Variants in UPRT observed in about 807,000 individuals in gnomAD.
UPRT encodes the protein uracil phosphoribosyltransferase homolog.
In UPRT, 5 loss-of-function variants were observed where a neutral mutation model predicts 22.6. The ratio of observed to expected loss-of-function variants is 0.22; its 90% CI spans 0.12 to 0.47. The LOEUF is 0.47. UPRT is among the 20% of genes least tolerant of loss of function. The pLI is 0.99. For missense variants in UPRT, 181 were observed against 239.9 expected (o/e 0.75, Z 1.62); for synonymous variants, 77 against 87.7 (o/e 0.88, Z 0.68).
rs769290211 is a variant in UPRT at position 75,274,441 on chromosome X, G to A, written c.187G>A (p.Glu63Lys). The A allele has an allele frequency of 3.3e-6, 4 of 1,211,535 alleles. No individual in the cohort carries two copies. The highest frequency in any genetic ancestry group is 1.8e-5 in the South Asian group (1 of 56,885). Residue 63 changes from glutamate (E) to lysine (K), a missense_variant, in exon 1 of 7, where the codon GAG becomes AAG. Glu to Lys is a moderately conservative substitution (Grantham distance 56). Coordinates refer to ENST00000373383, the MANE Select transcript of UPRT (RefSeq NM_145052.4). ...TGYAHSSLPA[E>K]LDSGACGGSS... is the part of the protein sequence containing the mutation. ...GTACGCCCATTCTAGCCTGCCGGCC[G>A]AGCTGGACTCTGGGGCCTGCGGCGG...
intron 1 of UPRT, among the ~76,000 whole-genome samples, chrX:75,159,814 T>C (rs1378261516): frequency 9.8e-6 from 1 of 101,968 alleles, no homozygotes; most frequent in Non-Finnish European, 2.0e-5. Flanking sequence ...TCTCACTCAG[T>C]TGCTCAGGCT....
At chrX:75,162,006 C>G (rs1335838450) in intron 2 of UPRT, among the ~76,000 whole-genome samples, 1 of 111,598 alleles carries the variant, frequency 9.0e-6, no homozygotes, top group Non-Finnish European at 1.9e-5. Context: ...CAATAAGAAT[C>G]ATCTCCTTTT....
At chrX:75,264,599 T>C (rs1271414054) in intron 4 of UPRT, among the ~76,000 whole-genome samples, 2 of 111,183 alleles carry the variant, frequency 1.8e-5, no homozygotes, top group East Asian at 5.6e-4. Flanking sequence ...CATCCCTTTA[T>C]TTTGAGCCTT....
chrX:75,262,437 T>G lies in UPRT; in HGVS notation c.-446-28587T>G, dbSNP rs1412781768. On this transcript the variant is annotated intron_variant, in intron 4 of 13. Transcript: ENST00000652605. ...GGAACAAATTTACACATGATGATAT[T>G]AAACTTAAATGTAAATAGGCTAAAT... 1.1e-4 allele frequency among the ~76,000 whole-genome samples: 12 copies of G among 111,548 alleles called. 1 individual carries two copies. The highest frequency in any genetic ancestry group is 3.8e-5 in the Non-Finnish European group (2 of 53,177).
At chrX:75,231,751 C>A (rs2082439081) in intron 4 of UPRT, among the ~76,000 whole-genome samples, 2 of 112,180 alleles carry the variant, frequency 1.8e-5, no homozygotes, top group African/African-American at 6.5e-5. Flanking sequence ...CTGCAGATTT[C>A]TCAGCAGAAA....
At chrX:75,186,705 C>T (rs1349648870) in intron 4 of UPRT, among the ~76,000 whole-genome samples, 3 of 111,958 alleles carry the variant, frequency 2.7e-5, no homozygotes, top group East Asian at 2.8e-4. Context: ...TCTGGCTGCT[C>T]CTGTATTGGG....
intron 4 of UPRT, among the ~76,000 whole-genome samples, chrX:75,217,102 C>A (rs1292943074): frequency 1.8e-5 from 2 of 111,723 alleles, no homozygotes; most frequent in Admixed American, 1.9e-4. Context: ...TGGCCTTGGT[C>A]TGAGAAGACC....
At chrX:75,268,120 C>G (rs878876875) in intron 4 of UPRT, among the ~76,000 whole-genome samples, 1 of 111,718 alleles carries the variant, frequency 9.0e-6, no homozygotes, top group Admixed American at 9.6e-5. Flanking sequence ...TCAGTGAAAA[C>G]TATAAACACC....
intron 2 of UPRT, chrX:75,294,581 T>C: frequency 1.0e-6 from 1 of 987,430 alleles, no homozygotes; most frequent in Non-Finnish European, 1.3e-6. Flanking sequence ...TGAGGATTTA[T>C]TCCAAAAGAG....
chrX:75,295,046 G>C (rs1284232721), intron 2 of UPRT, among the ~76,000 whole-genome samples: 1 of 110,945 alleles, frequency 9.0e-6, no homozygotes, highest in Non-Finnish European at 1.9e-5. Flanking sequence ...GATATGGGGT[G>C]AGAAAGGGTC....
intron 4 of UPRT, among the ~76,000 whole-genome samples, chrX:75,184,238 A>C (rs1469185004): frequency 8.9e-6 from 1 of 112,162 alleles, no homozygotes; most frequent in Non-Finnish European, 1.9e-5. Context: ...AGCTTTCTAC[A>C]TCTGGCTTGC....
At chrX:75,248,388 T>A (rs75510922) in intron 4 of UPRT, among the ~76,000 whole-genome samples, 5 of 111,608 alleles carry the variant, frequency 4.5e-5, no homozygotes, top group African/African-American at 1.6e-4. Context: ...CTGAAAACCA[T>A]GGCATGAGAA....
chrX:75,256,582 T>C (rs1249895333), intron 4 of UPRT, among the ~76,000 whole-genome samples: 1 of 111,086 alleles, frequency 9.0e-6, no homozygotes, highest in African/African-American at 3.3e-5. Context: ...AACAAAAAGC[T>C]GGTTCTTTGA....
intron 4 of UPRT, among the ~76,000 whole-genome samples, chrX:75,265,186 T>A (rs2082583585): frequency 9.0e-6 from 1 of 111,360 alleles, no homozygotes; most frequent in Non-Finnish European, 1.9e-5. Context: ...AGGAGTATCT[T>A]CGTGGCATTC....
intron 4 of UPRT, among the ~76,000 whole-genome samples, chrX:75,213,197 T>A (rs2082384313): frequency 8.9e-6 from 1 of 112,134 alleles, no homozygotes; most frequent in African/African-American, 3.2e-5. Flanking sequence ...GCCAGTAACA[T>A]ACATGATAGA....
intron 4 of UPRT, among the ~76,000 whole-genome samples, chrX:75,244,567 GTGGAACAGAATATACCAA>G (rs1318954937): frequency 2.7e-5 from 3 of 111,292 alleles, no homozygotes; most frequent in African/African-American, 9.8e-5. Context: ...AGTATCACCA[GTGGAACAGAATATACCAA>G]TGGAACAGAA....
At chrX:75,190,737 A>T (rs1465228127) in intron 4 of UPRT, among the ~76,000 whole-genome samples, 2 of 111,496 alleles carry the variant, frequency 1.8e-5, no homozygotes, top group Admixed American at 1.9e-4. Flanking sequence ...TTGATCTTCC[A>T]TCGCTGATAC....
chrX:75,188,054 C>T (rs1209938017), intron 4 of UPRT, among the ~76,000 whole-genome samples: 5 of 112,355 alleles, frequency 4.5e-5, no homozygotes, highest in African/African-American at 9.7e-5. Context: ...AGCTTTGTTC[C>T]ATTGCTGGTG....
At chrX:75,232,574 C>T (rs1385839670) in intron 4 of UPRT, among the ~76,000 whole-genome samples, 6 of 112,097 alleles carry the variant, frequency 5.4e-5, no homozygotes, top group Admixed American at 9.4e-5. Context: ...TCTCCCAGCA[C>T]GCAGCTGGAG....
Sources: gnomAD v4.1 joint callset for allele counts (sites outside exome capture counted in the v4.1 genomes callset) on GRCh38, gnomAD v4.1.1 for gene constraint, MANE v1.5 for transcripts, NCBI Gene and HGNC (gene_info 2026-07-23, HGNC 2026-07-21) for gene names.